CCDC187: variants seen among roughly 807,000 people sequenced by gnomAD.
CCDC187 encodes coiled-coil domain containing 187.
A neutral mutation model predicts 38.0 loss-of-function variants in CCDC187; 32 were observed. The ratio of observed to expected loss-of-function variants is 0.84; its 90% CI spans 0.64 to 1.13. The LOEUF is 1.13. Ranked by LOEUF, CCDC187 falls within the 50% of genes most tolerant of loss-of-function variation. CCDC187 has a pLI of 0.00. For missense variants in CCDC187, 707 were observed against 786.8 expected, an observed-to-expected ratio of 0.90 and a Z score of 1.21; for synonymous variants, 333 against 347.9, an observed-to-expected ratio of 0.96 and a Z score of 0.48.
chr9:136,262,148 G>A (rs1830686279), intron 19 of CCDC187, among the ~76,000 whole-genome samples, 163 bp downstream of exon 19: 1 of 152,266 alleles, frequency 6.6e-6, no homozygotes, highest in Non-Finnish European at 1.5e-5. Flanking sequence ...CCGGCCGGCA[G>A]AACAGCCCCC....
chr9:136,300,165 C>T (rs960313199), intron 3 of CCDC187, 55 bp downstream of exon 3: 1 of 398,294 alleles, frequency 2.5e-6, no homozygotes. Context: ...CTGCCCCCAT[C>T]ATGGCCTGAG....
intron 1 of CCDC187, 150 bp downstream of exon 1, chr9:136,303,538 G>C (rs1831741324): frequency 5.7e-6 from 1 of 174,176 alleles, no homozygotes; most frequent in African/African-American, 2.4e-5. Context: ...GTCTCAGAGA[G>C]GCCGGGCTGC....
chr9:136,281,718 G>A, intron 9 of CCDC187, 55 bp from the exon 10 acceptor site: 1 of 398,662 alleles, frequency 2.5e-6, no homozygotes, highest in Non-Finnish European at 4.4e-6. Context: ...GAGACAGGAG[G>A]CAGGGAGATC....
At chr9:136,273,394 T>C (rs1003893780) in intron 14 of CCDC187, among the ~76,000 whole-genome samples, 1 of 152,194 alleles carries the variant, frequency 6.6e-6, no homozygotes, top group Non-Finnish European at 1.5e-5. Flanking sequence ...CAAAATAGCC[T>C]CTGAAGCGAA....
chr9:136,251,035 G>C lies in CCDC187; in HGVS notation c.*2559C>G, dbSNP rs1554759311. 2.2e-6 allele frequency: 1 copy of C among 456,250 alleles called. No homozygotes were observed. Among genetic ancestry groups the C allele is most frequent in the Non-Finnish European group, 4.4e-6 (1 of 226,902 alleles). 28.3% of individuals were successfully genotyped at this position (456,250 alleles called of 1,614,324 possible). On this transcript the variant is annotated 3_prime_UTR_variant, in exon 26 of 26. Coordinates refer to ENST00000638797, the MANE Select transcript of CCDC187 (RefSeq NM_001378188.1). ...GCCAGCTTTGTGATGCCTCCCACCAGACTGCATGCATAAAGTCTGGAGTAT... is the reference window on the plus strand; with the variant it reads ...GCCAGCTTTGTGATGCCTCCCACCACACTGCATGCATAAAGTCTGGAGTAT...
intron 2 of CCDC187, among the ~76,000 whole-genome samples, chr9:136,300,701 G>A (rs921798817): frequency 3.4e-4 from 51 of 152,032 alleles, no homozygotes; most frequent in South Asian, 1.0e-3. Flanking sequence ...AGATTCAAGC[G>A]ATTCTCCTAC....
rs893001906 is a variant in CCDC187 at position 136,303,306 on chromosome 9, G to A, written c.144-13C>T. Reference sequence around the variant, plus strand: ...AGGTGCGCAGAGCCTGGGAGGGAACGGCAGACATGCCGGTCAGACATGCAG... The same window carrying A: ...AGGTGCGCAGAGCCTGGGAGGGAACAGCAGACATGCCGGTCAGACATGCAG... On this transcript the variant is annotated splice_polypyrimidine_tract_variant and intron_variant, in intron 1 of 25. Transcript: ENST00000638797. 1.2e-4 allele frequency: 49 copies of A among 397,278 alleles called. No homozygotes were observed. The highest frequency in any genetic ancestry group is 1.8e-4 in the Admixed American group (4 of 22,704). The allele number at this position is 397,278 out of a possible 1,614,324, so 24.6% of individuals were successfully genotyped here.
rs1042937546 is a variant in CCDC187, at chr9:136,258,503, T to C, written c.4366+429A>G. Among the ~76,000 whole-genome samples, 29 of 151,540 alleles carry C rather than the reference T, an allele frequency of 1.9e-4. No homozygotes were observed. Among genetic ancestry groups the C allele is most frequent in the African/African-American group, 6.3e-4 (26 of 41,156 alleles). ...GGTTCCCTGACACTGTGAGTGCATCTGCTCCCGCCCCACCTGCAAATTGGG... is the reference window on the plus strand; with the variant it reads ...GGTTCCCTGACACTGTGAGTGCATCCGCTCCCGCCCCACCTGCAAATTGGG... On this transcript the variant is annotated intron_variant, in intron 22 of 25. Transcript: ENST00000638797. The surrounding 1 kb of genome is among the most constrained non-coding windows in gnomAD (Gnocchi z 4.3).
chr9:136,279,679 G>A (rs928229704), intron 10 of CCDC187, among the ~76,000 whole-genome samples: 27 of 152,306 alleles, frequency 1.8e-4, no homozygotes, highest in African/African-American at 5.8e-4. Flanking sequence ...GCCCATACCC[G>A]GGCACTCTGG....
Position 136,290,953 on chromosome 9 carries a change from G to C in CCDC187, c.1660C>G (p.Pro554Ala), listed in dbSNP as rs1178238448. The C allele has an allele frequency of 2.5e-6, 1 of 398,680 alleles. No homozygotes were observed. Among genetic ancestry groups the C allele is most frequent in the Non-Finnish European group, 4.4e-6 (1 of 226,124 alleles). The allele number at this position is 398,680 out of a possible 1,614,324, so 24.7% of individuals were successfully genotyped here. A position where few individuals can be genotyped will look rare whatever the true frequency, so the allele number is the denominator to read the frequency against. ...AWTACETWED[P>A]GPRLRNPLER... ...AGAGGGTTCCGCAGTCTGGGGCCAG[G>C]GTCCTCCCAGGTTTCACAGGCAGTC... The change falls in exon 6 of 26, where the codon CCT becomes GCT. Residue 554 changes from proline to alanine, a missense_variant. Coordinates refer to ENST00000638797, the MANE Select transcript of CCDC187 (RefSeq NM_001378188.1).
Position 136,254,238 on chromosome 9 carries a change from G to A in CCDC187, c.5590C>T (p.Gln1864Ter), listed in dbSNP as rs552579018. 226 of 985,416 alleles carry A rather than the reference G, an allele frequency of 2.3e-4. 2 individuals carry two copies. The South Asian group carries it at 8.8e-3, about 39-fold the overall frequency. 61.0% of individuals were successfully genotyped at this position (985,416 alleles called of 1,614,324 possible). Reference protein sequence around the residue: ...MGVSDTGEALQAPPEAAGVVF... With the variant: ...MGVSDTGEAL ...ACACCGGCGGCCTCAGGGGGTGCCT[G>A]GAGGGCTTCTCCTGTGTCTGACACC... is the stretch of plus-strand genomic sequence containing the variant. The change falls in exon 26 of 26, where the codon CAG (glutamine) becomes TAG (stop). Residue 1864 changes from glutamine (Q) to a stop codon, truncating the protein, a stop_gained. Coordinates refer to ENST00000638797, the MANE Select transcript of CCDC187 (RefSeq NM_001378188.1). LOFTEE classifies it low-confidence loss of function (END_TRUNC).
rs1003422572 is a variant in CCDC187, at chr9:136,291,391, C to T, written c.1222G>A (p.Val408Met). 1.3e-5 allele frequency: 5 copies of T among 399,002 alleles called. No individual in the cohort carries two copies. Among genetic ancestry groups the T allele is most frequent in the East Asian group, 3.6e-5 (1 of 28,078 alleles). The allele number at this position is 399,002 out of a possible 1,614,324, so 24.7% of individuals were successfully genotyped here. Reference sequence around the variant, plus strand: ...TCCCTGCAGCAGCCCCTCCCTGCCACGTCCTGCAGCCTCCGCTTTGATGGC... The same window carrying T: ...TCCCTGCAGCAGCCCCTCCCTGCCATGTCCTGCAGCCTCCGCTTTGATGGC... ...LGPSKRRLQDVAGRGCCRDPN... is the reference protein window; with the variant it reads ...LGPSKRRLQDMAGRGCCRDPN... The change falls in exon 6 of 26, where the codon GTG (valine) becomes ATG (methionine). Residue 408 changes from valine to methionine, a missense_variant. Transcript: ENST00000638797.
chr9:136,285,359 C>T (rs1371751793), intron 9 of CCDC187, among the ~76,000 whole-genome samples, 154 bp downstream of exon 9: 1 of 152,130 alleles, frequency 6.6e-6, no homozygotes, highest in Non-Finnish European at 1.5e-5. Context: ...TCCCTGGCCG[C>T]AGCCTCTGGA....
rs960741532 is a variant in CCDC187, at chr9:136,252,725, G to T, written c.*869C>A. The T allele has an allele frequency of 2.6e-5, 4 of 153,154 alleles. No individual in the cohort carries two copies. The highest frequency in any genetic ancestry group is 9.6e-5 in the African/African-American group (4 of 41,456). The allele number at this position is 153,154 out of a possible 1,614,324, so 9.5% of individuals were successfully genotyped here. ...CACTCCCTAGGGGCTGCACCTGGGG[G>T]CCTGTGTGGAGAGAGCTGCTAAGGA... On this transcript the variant is annotated 3_prime_UTR_variant, in exon 26 of 26. Coordinates refer to ENST00000638797, the MANE Select transcript of CCDC187 (RefSeq NM_001378188.1).
At chr9:136,305,694 A>G (rs1831791787), upstream of CCDC187, among the ~76,000 whole-genome samples, 1 of 152,246 alleles carries the variant, frequency 6.6e-6, no homozygotes, top group South Asian at 2.1e-4. Context: ...GCTCTGGAAG[A>G]AGGTGCATCA....
At chr9:136,291,722 G>C (rs1331988422) in intron 5 of CCDC187, 77 bp from the exon 6 acceptor site, 25 of 398,308 alleles carry the variant, frequency 6.3e-5, no homozygotes, top group Non-Finnish European at 1.1e-4. Context: ...CCGGGCTGGA[G>C]GCAAGGAGTG....
intron 11 of CCDC187, among the ~76,000 whole-genome samples, 165 bp downstream of exon 11, chr9:136,276,486 T>C (rs1186392026): frequency 6.6e-6 from 1 of 151,962 alleles, no homozygotes; most frequent in Non-Finnish European, 1.5e-5. Context: ...CTCTGTCTGT[T>C]CCTCCCACCT....
At chr9:136,271,257 C>T (rs1197053808) in intron 14 of CCDC187, among the ~76,000 whole-genome samples, 4 of 152,190 alleles carry the variant, frequency 2.6e-5, no homozygotes, top group African/African-American at 7.2e-5. Flanking sequence ...CGTGGTGGCT[C>T]CTGCCTATAA....
Position 136,286,305 on chromosome 9 carries a change from G to T in CCDC187, c.2613C>A (p.Ala871=), listed in dbSNP as rs1014779347. The T allele has an allele frequency of 1.1e-3, 432 of 398,610 alleles. 1 individual carries two copies. Among genetic ancestry groups the T allele is most frequent in the African/African-American group, 8.1e-3 (397 of 48,762 alleles). 24.7% of individuals were successfully genotyped at this position (398,610 alleles called of 1,614,324 possible). The change falls in exon 8 of 26, where the codon GCC becomes GCA. Residue 871 remains alanine, a synonymous_variant. Transcript: ENST00000638797. ...LLRSCPHSLP[A]APTLATPTLA... Reference sequence around the variant, plus strand: ...GCGTGGGGGTGGCGAGCGTGGGGGCGGCAGGTAGGCTGTGGGGGCACGAGC... The same window carrying T: ...GCGTGGGGGTGGCGAGCGTGGGGGCTGCAGGTAGGCTGTGGGGGCACGAGC...
Sources: gnomAD v4.1 joint callset for allele counts (sites outside exome capture counted in the v4.1 genomes callset) on GRCh38, gnomAD v4.1.1 for gene constraint, Gnocchi (gnomAD v3.1) non-coding constraint, MANE v1.5 for transcripts, NCBI Gene and HGNC (gene_info 2026-07-23, HGNC 2026-07-21) for gene names.